Variants in PTGER4 observed in about 807,000 individuals in gnomAD.
The protein encoded by PTGER4 is prostaglandin E2 receptor EP4 subtype.
A neutral mutation model predicts 33.2 loss-of-function variants in PTGER4; 11 were observed. That is an observed-to-expected ratio of 0.33 (90% CI 0.21 to 0.55). The LOEUF is 0.55. PTGER4 is among the 20% of genes least tolerant of loss of function. The pLI is 0.92. For synonymous variants in PTGER4, 275 were observed against 281.5 expected (o/e 0.98, Z 0.23); for missense variants, 481 against 650.2 (o/e 0.74, Z 2.83).
chr5:40,701,757 A>G, the PTGER4 span, among the ~76,000 whole-genome samples: 1 of 152,214 alleles, frequency 6.6e-6, no homozygotes, highest in Non-Finnish European at 1.5e-5. Context: ...GAAATGAAAG[A>G]AAGAATGTTA....
At chr5:40,745,532 G>A in the PTGER4 span, among the ~76,000 whole-genome samples, 1 of 151,590 alleles carries the variant, frequency 6.6e-6, no homozygotes, top group African/African-American at 2.4e-5. Context: ...CTATTCTTTT[G>A]TTTTGTTTTG....
rs1354001061 is a variant in PTGER4, at chr5:40,683,622, A to C, written c.867+1762A>C. 6.6e-6 allele frequency among the ~76,000 whole-genome samples: 1 copy of C among 152,256 alleles called. No individual in the cohort carries two copies. Among genetic ancestry groups the C allele is most frequent in the Non-Finnish European group, 1.5e-5 (1 of 68,046 alleles). On this transcript the variant is annotated intron_variant, in intron 2 of 2. Coordinates refer to ENST00000302472, the MANE Select transcript of PTGER4 (RefSeq NM_000958.3). The surrounding 1 kb of genome is among the most constrained non-coding windows in gnomAD (Gnocchi z 4.2). ...AAGGTTAGCAACATGCACATACTTTATAAATGTGTTTTGGTTGGAAGTAAG... is the reference window on the plus strand; with the variant it reads ...AAGGTTAGCAACATGCACATACTTTCTAAATGTGTTTTGGTTGGAAGTAAG...
chr5:40,732,608 C>A, the PTGER4 span, among the ~76,000 whole-genome samples: 1 of 151,782 alleles, frequency 6.6e-6, no homozygotes, highest in Non-Finnish European at 1.5e-5. Flanking sequence ...ACTAATATAA[C>A]AGATTTTTTT....
the PTGER4 span, among the ~76,000 whole-genome samples, chr5:40,736,972 G>A: frequency 6.6e-6 from 1 of 152,098 alleles, no homozygotes; most frequent in African/African-American, 2.4e-5. Context: ...AAAGAATCAT[G>A]AATACTCTAA....
the PTGER4 span, among the ~76,000 whole-genome samples, chr5:40,736,759 T>G: frequency 6.6e-6 from 1 of 152,306 alleles, no homozygotes; most frequent in Admixed American, 6.5e-5. Context: ...AAGATATGTA[T>G]CACCATTTGA....
At chr5:40,711,092 T>C in the PTGER4 span, among the ~76,000 whole-genome samples, 1 of 151,648 alleles carries the variant, frequency 6.6e-6, no homozygotes, top group African/African-American at 2.4e-5. Flanking sequence ...TATGTATATA[T>C]ATATATAGAA....
the PTGER4 span, chr5:40,715,193 T>C: frequency 6.6e-6 from 1 of 152,238 alleles, no homozygotes; most frequent in African/African-American, 2.4e-5. Flanking sequence ...TTATTTTTCA[T>C]TTCACTGAGT....
intron 2 of PTGER4, among the ~76,000 whole-genome samples, chr5:40,682,517 G>A (rs971953080): frequency 2.0e-5 from 3 of 152,146 alleles, no homozygotes; most frequent in African/African-American, 7.2e-5. Context: ...GGTGTGCCCT[G>A]GGAGGGCAGC....
chr5:40,737,818 T>G, the PTGER4 span, among the ~76,000 whole-genome samples: 1 of 152,222 alleles, frequency 6.6e-6, no homozygotes, highest in Non-Finnish European at 1.5e-5. Flanking sequence ...TAGACAGATT[T>G]ATAAAATTGG....
At chr5:40,730,473 T>C in the PTGER4 span, 1 of 593,656 alleles carries the variant, frequency 1.7e-6, no homozygotes, top group Non-Finnish European at 3.0e-6. Context: ...TTCAGAGGCA[T>C]TAAGTAGCAT....
the PTGER4 span, among the ~76,000 whole-genome samples, chr5:40,701,851 A>T: frequency 6.6e-6 from 1 of 152,238 alleles, no homozygotes; most frequent in African/African-American, 2.4e-5. Flanking sequence ...AAAGCCTACA[A>T]GCCAGAAGAG....
chr5:40,687,340 C>T (rs895465252), intron 2 of PTGER4, among the ~76,000 whole-genome samples: 1 of 152,144 alleles, frequency 6.6e-6, no homozygotes, highest in African/African-American at 2.4e-5. Flanking sequence ...CCACCATGCC[C>T]GGCCATATTC....
the PTGER4 span, among the ~76,000 whole-genome samples, chr5:40,724,175 T>C: frequency 1.3e-5 from 2 of 152,034 alleles, no homozygotes; most frequent in African/African-American, 2.4e-5. Flanking sequence ...ACACACAAAA[T>C]GAAATATTTT....
At position 40,680,886 on chromosome 5, in the gene PTGER4, G is replaced by A. The variant is rs865987519; in HGVS notation, c.-43-65G>A. On this transcript the variant is annotated intron_variant, in intron 1 of 2. Coordinates refer to ENST00000302472, the MANE Select transcript of PTGER4 (RefSeq NM_000958.3). This position sits in a 1 kb window ranked among gnomAD's most constrained non-coding sequence, Gnocchi z 5.5. ...TCAGTGTATCGTTTCTCGGGCGCGG[G>A]TCTAACACCTTACAAGTGGTAATTT... is the stretch of plus-strand genomic sequence containing the variant. 7.2e-7 allele frequency: 1 copy of A among 1,391,366 alleles called. No homozygotes were observed. The highest frequency in any genetic ancestry group is 9.7e-7 in the Non-Finnish European group (1 of 1,026,626). 86.2% of individuals were successfully genotyped at this position (1,391,366 alleles called of 1,614,324 possible).
the PTGER4 span, chr5:40,716,554 ACAATCC>A: frequency 8.5e-7 from 1 of 1,170,350 alleles, no homozygotes; most frequent in Non-Finnish European, 1.2e-6. Context: ...TATGTTTAAT[ACAATCC>A]TGTGTGTTTA....
At chr5:40,685,702 C>T (rs1277484797) in intron 2 of PTGER4, among the ~76,000 whole-genome samples, 3 of 152,128 alleles carry the variant, frequency 2.0e-5, no homozygotes, top group Non-Finnish European at 4.4e-5. Context: ...GTAGGGCTGA[C>T]CAGTATTTTC....
chr5:40,727,893 T>C, the PTGER4 span, among the ~76,000 whole-genome samples: 3 of 152,166 alleles, frequency 2.0e-5, no homozygotes, highest in Non-Finnish European at 4.4e-5. Context: ...GTGAACTGTG[T>C]TTATGGATTA....
chr5:40,690,111 G>A lies in PTGER4; in HGVS notation c.868-1668G>A, dbSNP rs143280303. Among the ~76,000 whole-genome samples the A allele has an allele frequency of 1.2e-4, 18 of 152,136 alleles. No homozygotes were observed. In the East Asian group the frequency reaches 3.1e-3, roughly 26 times the overall value. ...TTTTAGCACTTTGGGAGACTGCAGC[G>A]GGCAGATCACTTGAGCTCAAGAGTT... On this transcript the variant is annotated intron_variant, in intron 2 of 2. Transcript: ENST00000302472.
chr5:40,718,689 G>A, the PTGER4 span, among the ~76,000 whole-genome samples: 762 of 152,012 alleles, frequency 5.0e-3, 4 homozygotes, highest in African/African-American at 0.016. Context: ...AGTGAGCCGA[G>A]ATTGCACCAC....
Sources: gnomAD v4.1 joint callset for allele counts (sites outside exome capture counted in the v4.1 genomes callset) on GRCh38, gnomAD v4.1.1 for gene constraint, Gnocchi (gnomAD v3.1) non-coding constraint, MANE v1.5 for transcripts, NCBI Gene and HGNC (gene_info 2026-07-23, HGNC 2026-07-21) for gene names.